TCF20: variants seen among roughly 807,000 people sequenced by gnomAD.
The protein encoded by TCF20 is SPRE-binding protein.
TCF20 carries 3 observed loss-of-function variants against 148.6 expected under a neutral mutation model. The observed-to-expected ratio is 0.02, with a 90% CI of 0.01 to 0.05. The LOEUF (loss-of-function observed/expected upper bound fraction) is 0.05, where lower values mean the gene tolerates loss of function less well. Among genes scored for constraint, TCF20 ranks in the 10% least tolerant of loss-of-function variants. The pLI is 1.00. For missense variants in TCF20, 2,350 were observed against 2,429.3 expected, an observed-to-expected ratio of 0.97 and a Z score of 0.69; for synonymous variants, 1,049 against 909.5, an observed-to-expected ratio of 1.15 and a Z score of -2.76.
At chr22:42,216,058 T>C (rs28405921) in intron 1 of TCF20, among the ~76,000 whole-genome samples, 1 of 119,730 alleles carries the variant, frequency 8.4e-6, no homozygotes, top group African/African-American at 3.1e-5. Context: ...GGAGGGGGTG[T>C]GGGGTAAGAA....
intron 2 of TCF20, among the ~76,000 whole-genome samples, chr22:42,204,183 A>G (rs1938230604): frequency 6.6e-6 from 1 of 152,236 alleles, no homozygotes; most frequent in African/African-American, 2.4e-5. Context: ...TCCATTATTT[A>G]AACTTGTATT....
intron 1 of TCF20, among the ~76,000 whole-genome samples, chr22:42,219,421 A>G (rs1380969923): frequency 1.3e-5 from 2 of 150,456 alleles, no homozygotes; most frequent in African/African-American, 2.5e-5. Context: ...ATCATCTTAA[A>G]AAAAGCATCA....
rs573222905 is a variant in TCF20 at position 42,299,808 on chromosome 22, G to A, written c.-37+43671C>T. On this transcript the variant is annotated intron_variant, in intron 1 of 1. Transcript: ENST00000515426. This position sits in a 1 kb window ranked among gnomAD's most constrained non-coding sequence, Gnocchi z 4.1. ...ATAGCAGAGGAGGAGGAAGTGGTGG[G>A]GATGGGGGAGGGGAAGAGAGAAGGG... 6.6e-6 allele frequency among the ~76,000 whole-genome samples: 1 copy of A among 152,070 alleles called. No individual in the cohort carries two copies. Among genetic ancestry groups the A allele is most frequent in the African/African-American group, 2.4e-5 (1 of 41,452 alleles).
chr22:42,214,098 A>G lies in TCF20; in HGVS notation c.1208T>C (p.Val403Ala). The G allele has an allele frequency of 1.2e-6, 2 of 1,614,188 alleles. No individual in the cohort carries two copies. The highest frequency in any genetic ancestry group is 2.2e-5 in the South Asian group (2 of 91,088). The change falls in exon 2 of 6, where the codon GTG (valine) becomes GCG (alanine). Residue 403 changes from valine (V) to alanine (A), a missense_variant. Val to Ala is a moderately conservative substitution (Grantham distance 64). Transcript: ENST00000677622. The part of the protein sequence containing the change: ...GENLQCGQGS[V>A]PMGSRNRILQ... ...AATTCTGTTTCTGGAACCCATAGGC[A>G]CACTGCCTTGCCCACACTGGAGATT...
chr22:42,199,326 G>A (rs1364277862), intron 2 of TCF20, among the ~76,000 whole-genome samples: 1 of 151,978 alleles, frequency 6.6e-6, no homozygotes, highest in Non-Finnish European at 1.5e-5. Context: ...CTTCCTATGG[G>A]CAGAGCGACG....
At chr22:42,309,358 A>G (rs1163676780) in intron 1 of TCF20, among the ~76,000 whole-genome samples, 2 of 152,038 alleles carry the variant, frequency 1.3e-5, no homozygotes, top group Non-Finnish European at 2.9e-5. Context: ...GGGACTACAG[A>G]GCCTGTGAAC....
intron 1 of TCF20, among the ~76,000 whole-genome samples, chr22:42,221,491 G>C (rs1159771442): frequency 6.6e-6 from 1 of 152,160 alleles, no homozygotes; most frequent in African/African-American, 2.4e-5. Flanking sequence ...TTTCAGAGTA[G>C]ACTATTGCCA....
chr22:42,233,426 C>T lies in TCF20; in HGVS notation c.-36-18085G>A, dbSNP rs528032645. Among the ~76,000 whole-genome samples the T allele has an allele frequency of 3.3e-5, 5 of 152,308 alleles. No homozygotes were observed. The East Asian group carries it at 9.6e-4, about 29-fold the overall frequency. On this transcript the variant is annotated intron_variant, in intron 1 of 5. Coordinates refer to ENST00000677622, the MANE Select transcript of TCF20 (RefSeq NM_001378418.1). The stretch of plus-strand genomic sequence containing the variant: ...AGCAATGTTCTGTGTATTCCCAGCA[C>T]ACCCAGCAGGCACCTTCTGCACCTT...
intron 5 of TCF20, 36 bp downstream of exon 5, chr22:42,168,573 G>A (rs191363283): frequency 1.3e-5 from 20 of 1,539,968 alleles, no homozygotes; most frequent in African/African-American, 6.9e-5. Flanking sequence ...GCTGGGAGCC[G>A]GGCAGGATGC....
intron 1 of TCF20, among the ~76,000 whole-genome samples, chr22:42,281,852 C>T (rs557891488): frequency 6.6e-6 from 1 of 152,300 alleles, no homozygotes; most frequent in African/African-American, 2.4e-5. Context: ...CTCCTCTATG[C>T]CCAGCTCTGG....
Position 42,168,705 on chromosome 22 carries a change from T to C in TCF20, c.5831A>G (p.Gln1944Arg). The C allele has an allele frequency of 6.2e-7, 1 of 1,611,000 alleles. No individual in the cohort carries two copies. The highest frequency in any genetic ancestry group is 8.5e-7 in the Non-Finnish European group (1 of 1,178,948). The change falls in exon 5 of 6, where the codon CAG becomes CGG. Residue 1944 changes from glutamine to arginine, a missense_variant. This residue lies in a region of TCF20 where 67 missense variants were observed against 60.8 expected (regional missense o/e 1.10). Transcript: ENST00000677622. Reference sequence around the variant, plus strand: ...GAGGCTGCCTTTCGCGGTCTTGTTCTGCAAGGGGGGGAGAGGGCACGGAAG... The same window carrying C: ...GAGGCTGCCTTTCGCGGTCTTGTTCCGCAAGGGGGGGAGAGGGCACGGAAG... The part of the protein sequence containing the change: ...PPLPCPLPPL[Q>R]NKTAKGSLST...
intron 1 of TCF20, among the ~76,000 whole-genome samples, chr22:42,337,881 C>T (rs561388867): frequency 6.6e-6 from 1 of 152,230 alleles, no homozygotes; most frequent in South Asian, 2.1e-4. Flanking sequence ...ATATTCACAC[C>T]CTTCAGTTTC....
intron 1 of TCF20, among the ~76,000 whole-genome samples, chr22:42,225,620 CAAA>C (rs57952215): frequency 6.7e-5 from 5 of 74,768 alleles, no homozygotes; most frequent in Admixed American, 1.6e-4. Flanking sequence ...GACTCCGTCT[CAAA>C]AAAAAAAAAA....
chr22:42,266,978 CAATTT>C (rs71898747), intron 1 of TCF20, among the ~76,000 whole-genome samples: 5,926 of 151,848 alleles, frequency 0.039, 381 homozygotes, highest in African/African-American at 0.13. Context: ...TAACTGCTTA[CAATTT>C]AATAGGCCGG....
Position 42,248,915 on chromosome 22 carries a change from G to A in TCF20, c.-37+21424C>T, listed in dbSNP as rs144402138. 3.9e-3 allele frequency among the ~76,000 whole-genome samples: 598 copies of A among 152,328 alleles called. 6 individuals are homozygous for A. Among genetic ancestry groups the A allele is most frequent in the African/African-American group, 0.014 (577 of 41,580 alleles). On this transcript the variant is annotated intron_variant, in intron 1 of 5. Coordinates refer to ENST00000677622, the MANE Select transcript of TCF20 (RefSeq NM_001378418.1). The stretch of plus-strand genomic sequence containing the variant: ...TTAATTTTAGCTATCAACTTGACAG[G>A]AACACCTAGAAACCTGGTAAAGCAC...
chr22:42,202,414 A>T (rs1434100458), intron 2 of TCF20, among the ~76,000 whole-genome samples: 1 of 152,194 alleles, frequency 6.6e-6, no homozygotes, highest in Non-Finnish European at 1.5e-5. Context: ...TTTGTATGGT[A>T]AGGACAGTGA....
At chr22:42,263,613 A>C (rs1459709335) in intron 1 of TCF20, among the ~76,000 whole-genome samples, 4 of 152,160 alleles carry the variant, frequency 2.6e-5, no homozygotes, top group Non-Finnish European at 5.9e-5. Context: ...TCTCCATGTC[A>C]CCTATTTTGG....
chr22:42,216,742 G>A (rs905756216), intron 1 of TCF20, among the ~76,000 whole-genome samples: 1 of 152,174 alleles, frequency 6.6e-6, no homozygotes, highest in African/African-American at 2.4e-5. Flanking sequence ...AAAAAACAGA[G>A]AGGAAAATAG....
intron 2 of TCF20, among the ~76,000 whole-genome samples, chr22:42,204,172 AT>A (rs1266633438): frequency 6.6e-6 from 1 of 152,246 alleles, no homozygotes; most frequent in Non-Finnish European, 1.5e-5. Context: ...GTAAATAATT[AT>A]CCATTATTTA....
Sources: gnomAD v4.1 joint callset for allele counts (sites outside exome capture counted in the v4.1 genomes callset) on GRCh38, gnomAD v4.1.1 for gene constraint, gnomAD v4.1.1 regional missense constraint, Gnocchi (gnomAD v3.1) non-coding constraint, MANE v1.5 for transcripts, NCBI Gene and HGNC (gene_info 2026-07-23, HGNC 2026-07-21) for gene names.